ERICH1: variants seen among roughly 807,000 people sequenced by gnomAD.
The protein encoded by ERICH1 is glutamate-rich protein 1.
In ERICH1, 56 loss-of-function variants were observed where a neutral mutation model predicts 39.6. The ratio of observed to expected loss-of-function variants is 1.41; its 90% CI spans 1.14 to 1.77. ERICH1 has a LOEUF of 1.77. ERICH1 is among the 40% of genes most tolerant of loss of function. ERICH1 has a pLI of 0.00. For synonymous variants in ERICH1, 313 were observed against 223.6 expected, an observed-to-expected ratio of 1.40 and a Z score of -3.57; for missense variants, 826 against 575.4, an observed-to-expected ratio of 1.44 and a Z score of -4.45.
In ERICH1 at chr8:615,303, G is replaced by T. The variant is rs187903550; in HGVS notation, c.977-19C>A. 2,830 of 674,364 alleles carry T rather than the reference G, an allele frequency of 4.2e-3. 18 individuals are homozygous for T. Among genetic ancestry groups the T allele is most frequent in the Admixed American group, 8.1e-3 (344 of 42,332 alleles). The allele number at this position is 674,364 out of a possible 1,614,324, so 41.8% of individuals were successfully genotyped here. On this transcript the variant is annotated intron_variant, in intron 3 of 3. Coordinates refer to the ERICH1 transcript ENST00000522706. ...AGGACTCCTGGAAAATCAGGTTAAGGGAGATCAGTTGTGTTCATCATTTTA... is the reference window on the plus strand; with the variant it reads ...AGGACTCCTGGAAAATCAGGTTAAGTGAGATCAGTTGTGTTCATCATTTTA...
chr8:642,408 G>A (rs1010107736), intron 3 of ERICH1, among the ~76,000 whole-genome samples: 6 of 133,838 alleles, frequency 4.5e-5, no homozygotes. Context: ...GCAGTGGTGC[G>A]ATCTCGGCTC....
chr8:664,779 C>A, intron 5 of ERICH1, 103 bp from the exon 6 acceptor site: 2 of 854,542 alleles, frequency 2.3e-6, no homozygotes, highest in Non-Finnish European at 3.6e-6. Context: ...AAGTGAACTC[C>A]CAAATAATCT....
At chr8:709,625 T>C (rs969318654) in intron 2 of ERICH1, among the ~76,000 whole-genome samples, 2 of 152,232 alleles carry the variant, frequency 1.3e-5, no homozygotes, top group African/African-American at 4.8e-5. Flanking sequence ...TGAAACGAAG[T>C]GGCTGAATGC....
intron 3 of ERICH1, among the ~76,000 whole-genome samples, chr8:653,923 G>A (rs140021784): frequency 6.6e-6 from 1 of 151,890 alleles, no homozygotes; most frequent in Non-Finnish European, 1.5e-5. Flanking sequence ...TGTTATGCTG[G>A]GTGAAATGAG....
downstream of ERICH1, among the ~76,000 whole-genome samples, chr8:661,508 T>A (rs1801421263): frequency 6.6e-6 from 1 of 152,220 alleles, no homozygotes; most frequent in African/African-American, 2.4e-5. Context: ...CAATTCCTCA[T>A]GCTCCTGACT....
chr8:625,999 T>TCATC (rs1274722677), intron 3 of ERICH1: 4 of 152,274 alleles, frequency 2.6e-5, no homozygotes, highest in African/African-American at 9.6e-5. Context: ...TATTCCATTT[T>TCATC]CATCCATTCT....
downstream of ERICH1, among the ~76,000 whole-genome samples, chr8:662,532 C>T (rs192227710): frequency 3.6e-4 from 55 of 152,206 alleles, no homozygotes; most frequent in African/African-American, 1.3e-3. Flanking sequence ...CCTGTAATCC[C>T]AGCTACTTGG....
At chr8:711,747 T>A (rs759964309) in intron 2 of ERICH1, among the ~76,000 whole-genome samples, 2 of 152,060 alleles carry the variant, frequency 1.3e-5, no homozygotes, top group Non-Finnish European at 2.9e-5. Context: ...TCCGCCCATC[T>A]TGGCCTCCCA....
chr8:676,253 C>CG (rs1473147101), intron 3 of ERICH1, among the ~76,000 whole-genome samples: 11 of 7,960 alleles, frequency 1.4e-3, no homozygotes, highest in East Asian at 5.5e-3. Flanking sequence ...GGCGGCCCCT[C>CG]GTGAGGACAG....
intron 1 of ERICH1, chr8:725,837 C>G (rs925512733): frequency 6.6e-6 from 1 of 152,484 alleles, no homozygotes; most frequent in African/African-American, 2.4e-5. Context: ...TTCCATGAGG[C>G]TGATTCCTTC....
At chr8:621,332 A>T (rs1055290187) in intron 3 of ERICH1, among the ~76,000 whole-genome samples, 1 of 152,130 alleles carries the variant, frequency 6.6e-6, no homozygotes, top group African/African-American at 2.4e-5. Flanking sequence ...TCTCAAATCA[A>T]TAACCTTTCT....
intron 1 of ERICH1, among the ~76,000 whole-genome samples, chr8:719,437 G>A (rs766857838): frequency 1.5e-4 from 23 of 152,250 alleles, no homozygotes; most frequent in Non-Finnish European, 2.9e-4. Context: ...GCAGATGGGC[G>A]CTGGTGCCCA....
intron 3 of ERICH1, among the ~76,000 whole-genome samples, chr8:678,723 G>A (rs759645422): frequency 6.6e-6 from 1 of 152,148 alleles, no homozygotes; most frequent in Admixed American, 6.5e-5. Flanking sequence ...CAGAAGAATC[G>A]CTTGAACCTG....
intron 3 of ERICH1, among the ~76,000 whole-genome samples, chr8:679,726 T>C (rs1805690973): frequency 6.6e-6 from 1 of 152,248 alleles, no homozygotes; most frequent in Non-Finnish European, 1.5e-5. Context: ...TGAAAGCCTT[T>C]TCTCCAACAG....
At chr8:696,881 C>T (rs368869196) in intron 2 of ERICH1, among the ~76,000 whole-genome samples, 19 of 145,882 alleles carry the variant, frequency 1.3e-4, no homozygotes, top group South Asian at 2.3e-4. Flanking sequence ...TCAGCCTGTG[C>T]GCGCTCCTCA....
At chr8:692,155 T>A (rs1465779641) in intron 3 of ERICH1, among the ~76,000 whole-genome samples, 1 of 152,214 alleles carries the variant, frequency 6.6e-6, no homozygotes, top group African/African-American at 2.4e-5. Context: ...AGACAAGTAC[T>A]GTTAACAATT....
intron 2 of ERICH1, among the ~76,000 whole-genome samples, chr8:712,138 C>T (rs756024218): frequency 2.6e-5 from 4 of 152,156 alleles, no homozygotes; most frequent in African/African-American, 9.7e-5. Context: ...CAGTCTTTTG[C>T]GTCTCCATCT....
At chr8:719,767 T>C (rs997056999) in intron 1 of ERICH1, among the ~76,000 whole-genome samples, 5 of 152,228 alleles carry the variant, frequency 3.3e-5, no homozygotes, top group African/African-American at 7.2e-5. Flanking sequence ...ACCTTTGTGC[T>C]ATTTAATACT....
At chr8:726,582 G>A (rs571046841) in intron 1 of ERICH1, among the ~76,000 whole-genome samples, 20 of 137,640 alleles carry the variant, frequency 1.5e-4, no homozygotes, top group African/African-American at 3.9e-4. Context: ...ACACACAGGC[G>A]CACACACATA....
Sources: allele counts gnomAD v4.1 joint callset (sites outside exome capture counted in the v4.1 genomes callset), GRCh38; gene constraint gnomAD v4.1.1; transcripts MANE v1.5; gene names NCBI Gene and HGNC (gene_info 2026-07-23, HGNC 2026-07-21).